Variants in MTUS2 observed in about 807,000 individuals in gnomAD.
MTUS2 encodes the protein microtubule associated scaffold protein 2.
MTUS2 carries 40 observed loss-of-function variants against 114.1 expected under a neutral mutation model. The ratio of observed to expected loss-of-function variants is 0.35; its 90% CI spans 0.27 to 0.46. MTUS2 has a LOEUF of 0.46. Ranked by LOEUF, MTUS2 falls within the 20% of genes least tolerant of loss-of-function variation. The pLI is 1.00. For missense variants in MTUS2, 1,679 were observed against 1,705.4 expected, an observed-to-expected ratio of 0.98 and a Z score of 0.27; for synonymous variants, 688 against 672.0, an observed-to-expected ratio of 1.02 and a Z score of -0.37.
At chr13:28,924,845 T>G (rs1252488249) in intron 2 of MTUS2, among the ~76,000 whole-genome samples, 1 of 152,006 alleles carries the variant, frequency 6.6e-6, no homozygotes, top group Non-Finnish European at 1.5e-5. Context: ...ACTTTAAGAT[T>G]AGTGAGTATT....
intron 9 of MTUS2, among the ~76,000 whole-genome samples, chr13:29,459,784 C>G (rs927796306): frequency 5.9e-5 from 9 of 152,152 alleles, no homozygotes; most frequent in Non-Finnish European, 8.8e-5. Context: ...AGAATTCAGG[C>G]TTTTTAGCAC....
At chr13:29,248,627 A>C (rs1018479718) in intron 5 of MTUS2, among the ~76,000 whole-genome samples, 4 of 151,876 alleles carry the variant, frequency 2.6e-5, no homozygotes, top group Admixed American at 6.6e-5. Context: ...GATACTCTCC[A>C]TCTCCTCCCC....
chr13:28,976,544 G>A (rs1035360442), intron 2 of MTUS2, among the ~76,000 whole-genome samples: 1 of 152,166 alleles, frequency 6.6e-6, no homozygotes, highest in African/African-American at 2.4e-5. Flanking sequence ...TAAGAATCAA[G>A]GGAGATCAAT....
intron 6 of MTUS2, among the ~76,000 whole-genome samples, chr13:29,321,635 C>A (rs538705655): frequency 5.3e-4 from 81 of 152,244 alleles, no homozygotes; most frequent in African/African-American, 1.8e-3. Flanking sequence ...ATGGATCAGA[C>A]AAATTATTTT....
intron 7 of MTUS2, among the ~76,000 whole-genome samples, chr13:29,354,954 G>A (rs1462199175): frequency 6.6e-6 from 1 of 152,240 alleles, no homozygotes; most frequent in Non-Finnish European, 1.5e-5. Context: ...GTCTTTAAGT[G>A]GGAAGCTATC....
At position 29,441,454 on chromosome 13, in the gene MTUS2, C is replaced by T. The variant is rs181316941; in HGVS notation, c.3184+1405C>T. On this transcript the variant is annotated intron_variant, in intron 9 of 15. Coordinates refer to ENST00000612955, the MANE Select transcript of MTUS2 (RefSeq NM_001033602.4). ...CCTAATTTCTATTTGTTGGGTATCACCCCAAGCAGCATTCACAGTGACAGC... is the reference window on the plus strand; with the variant it reads ...CCTAATTTCTATTTGTTGGGTATCATCCCAAGCAGCATTCACAGTGACAGC... Among the ~76,000 whole-genome samples the T allele has an allele frequency of 3.7e-3, 565 of 152,290 alleles. 4 individuals are homozygous for T. Among genetic ancestry groups the T allele is most frequent in the African/African-American group, 0.013 (526 of 41,564 alleles).
chr13:29,268,779 CA>C (rs1897764669), intron 5 of MTUS2, among the ~76,000 whole-genome samples: 1 of 152,142 alleles, frequency 6.6e-6, no homozygotes, highest in African/African-American at 2.4e-5. Context: ...TCCCAGGCAA[CA>C]GTCCAGTTGT....
chr13:29,496,454 G>C lies in MTUS2; in HGVS notation c.3580-784G>C, dbSNP rs976130022. ...AGTGAGAGGGAGCTGGCTGGAGGTAGGCACTGCCAGCAGGAGAGCTGGCTG... is the reference window on the plus strand; with the variant it reads ...AGTGAGAGGGAGCTGGCTGGAGGTACGCACTGCCAGCAGGAGAGCTGGCTG... On this transcript the variant is annotated intron_variant, in intron 12 of 15. Transcript: ENST00000612955. The surrounding 1 kb of genome is among the most constrained non-coding windows in gnomAD (Gnocchi z 4.3). 1 of 154,316 alleles carries C rather than the reference G, an allele frequency of 6.5e-6. No individual in the cohort carries two copies. Among genetic ancestry groups the C allele is most frequent in the African/African-American group, 2.4e-5 (1 of 41,482 alleles). The allele number at this position is 154,316 out of a possible 1,614,324, so 9.6% of individuals were successfully genotyped here.
At chr13:28,864,040 G>A (rs1267296347) in intron 2 of MTUS2, among the ~76,000 whole-genome samples, 2 of 152,148 alleles carry the variant, frequency 1.3e-5, no homozygotes, top group Admixed American at 1.3e-4. Context: ...CTCTGCCTCT[G>A]TGCTGTTGCT....
At chr13:28,930,248 G>A (rs1881543602) in intron 2 of MTUS2, among the ~76,000 whole-genome samples, 1 of 152,058 alleles carries the variant, frequency 6.6e-6, no homozygotes, top group Non-Finnish European at 1.5e-5. Context: ...TTATGTTTTC[G>A]CCACTAAAAT....
In MTUS2 at chr13:29,505,493, A is replaced by G. The variant is rs1883175044; in HGVS notation, c.*2287A>G. Reference sequence around the variant, plus strand: ...TTTTCTTTTGTTACGGACACCCATCATGTATGGCTCCTCATCTGAGCCATC... The same window carrying G: ...TTTTCTTTTGTTACGGACACCCATCGTGTATGGCTCCTCATCTGAGCCATC... On this transcript the variant is annotated 3_prime_UTR_variant, in exon 16 of 16. Coordinates refer to ENST00000612955, the MANE Select transcript of MTUS2 (RefSeq NM_001033602.4). 1 of 227,596 alleles carries G rather than the reference A, an allele frequency of 4.4e-6. No individual in the cohort carries two copies. The allele number at this position is 227,596 out of a possible 1,614,324, so 14.1% of individuals were successfully genotyped here.
chr13:29,467,192 C>G (rs1012742586), intron 9 of MTUS2, among the ~76,000 whole-genome samples: 1 of 152,166 alleles, frequency 6.6e-6, no homozygotes. Context: ...GGCAATTCTA[C>G]ATAGCGAAGA....
intron 5 of MTUS2, among the ~76,000 whole-genome samples, chr13:29,131,730 C>A (rs1891772603): frequency 6.6e-6 from 1 of 152,224 alleles, no homozygotes; most frequent in South Asian, 2.1e-4. Context: ...GCTTAGCCAT[C>A]CCTCTAGATG....
rs527501163 is a variant in MTUS2, at chr13:29,472,684, G to A, written c.3185-7466G>A. 1.3e-5 allele frequency among the ~76,000 whole-genome samples: 2 copies of A among 152,240 alleles called. 1 individual carries two copies. Among genetic ancestry groups the A allele is most frequent in the South Asian group, 4.1e-4 (2 of 4,824 alleles). ...TAGGAATGTATCCTAAATGAAAAAA[G>A]CAAAATGATATATGGGTGAACATGT... On this transcript the variant is annotated intron_variant, in intron 9 of 15. Transcript: ENST00000612955.
intron 4 of MTUS2, among the ~76,000 whole-genome samples, chr13:29,040,266 A>G (rs1447647970): frequency 2.6e-5 from 4 of 152,216 alleles, no homozygotes; most frequent in Admixed American, 1.3e-4. Context: ...ATGGTCTCCA[A>G]CTTCATCCAG....
intron 5 of MTUS2, among the ~76,000 whole-genome samples, chr13:29,249,538 A>G (rs974010700): frequency 1.3e-5 from 2 of 151,990 alleles, no homozygotes; most frequent in East Asian, 3.9e-4. Context: ...TATGGTTTTG[A>G]TTTGCATTTC....
intron 8 of MTUS2, among the ~76,000 whole-genome samples, chr13:29,403,331 G>T (rs1359581288): frequency 1.3e-5 from 2 of 151,972 alleles, no homozygotes; most frequent in Non-Finnish European, 2.9e-5. Context: ...CCCTCTCCAG[G>T]CCCCTGTCCA....
At chr13:29,333,495 C>A (rs1440893956) in intron 7 of MTUS2, among the ~76,000 whole-genome samples, 2 of 152,138 alleles carry the variant, frequency 1.3e-5, no homozygotes, top group African/African-American at 4.8e-5. Context: ...CCGCAGCCGG[C>A]CTTGAGTGAG....
rs1425630298 is a variant in MTUS2, at chr13:29,480,062, A to G, written c.3185-88A>G. ...AGGACCTCGCCCTGTTTATTACGCC[A>G]GCCTTGATGATCTGACCATGGAGGC... On this transcript the variant is annotated intron_variant, in intron 9 of 15. Transcript: ENST00000612955. This position sits in a 1 kb window ranked among gnomAD's most constrained non-coding sequence, Gnocchi z 4.4. 1 of 1,352,418 alleles carries G rather than the reference A, an allele frequency of 7.4e-7. No homozygotes were observed. 83.8% of individuals were successfully genotyped at this position (1,352,418 alleles called of 1,614,324 possible). A position where few individuals can be genotyped will look rare whatever the true frequency, so the allele number is the denominator to read the frequency against.
Sources: allele counts gnomAD v4.1 joint callset (sites outside exome capture counted in the v4.1 genomes callset), GRCh38; gene constraint gnomAD v4.1.1; non-coding constraint Gnocchi (gnomAD v3.1); transcripts MANE v1.5; gene names NCBI Gene and HGNC (gene_info 2026-07-23, HGNC 2026-07-21).